Variants in ITPRID2 observed in about 807,000 individuals in gnomAD.
ITPRID2 encodes the protein protein ITPRID2.
A neutral mutation model predicts 124.3 loss-of-function variants in ITPRID2; 60 were observed. That is an observed-to-expected ratio of 0.48 (90% CI 0.39 to 0.60). The LOEUF (loss-of-function observed/expected upper bound fraction) is 0.60, where lower values mean the gene tolerates loss of function less well. Among genes scored for constraint, ITPRID2 ranks in the 20% least tolerant of loss-of-function variants. The probability of loss-of-function intolerance (pLI) is 0.00; values close to 1 mark genes in which losing one functional copy is unlikely to be tolerated. For missense variants in ITPRID2, 1,553 were observed against 1,512.2 expected (o/e 1.03, Z -0.45); for synonymous variants, 521 against 542.9 (o/e 0.96, Z 0.56).
chr2:181,918,389 T>C, intron 11 of ITPRID2: 2 of 1,339,630 alleles, frequency 1.5e-6, no homozygotes, highest in Non-Finnish European at 9.6e-7. Context: ...TCCTCCCACG[T>C]AGATTGACTT....
At chr2:181,914,114 C>A (rs1002418180) in intron 10 of ITPRID2, among the ~76,000 whole-genome samples, 181 bp downstream of exon 10, 1 of 152,106 alleles carries the variant, frequency 6.6e-6, no homozygotes, top group African/African-American at 2.4e-5. Context: ...TTCATTAATT[C>A]TTCTCTCTGA....
rs1400031375 is a variant in ITPRID2, at chr2:181,898,881, C to CA, written c.368dup (p.Asn123LysfsTer5). On this transcript the variant is annotated frameshift_variant and splice_region_variant, in exon 5 of 18. Coordinates refer to ENST00000431877, the MANE Select transcript of ITPRID2 (RefSeq NM_001130445.3). LOFTEE classifies it high-confidence loss of function. ...TACGTTTATTGTTTTTACCTGTAGC[C>CA]AACCACCTCCATGAAAGTGATGCTC... 3 of 1,609,570 alleles carry CA rather than the reference C, an allele frequency of 1.9e-6. No homozygotes were observed. The highest frequency in any genetic ancestry group is 2.6e-6 in the Non-Finnish European group (3 of 1,176,150).
Position 181,915,518 on chromosome 2 carries a change from G to A in ITPRID2, c.1878G>A (p.Glu626=), listed in dbSNP as rs756285270. 1 of 1,614,168 alleles carries A rather than the reference G, an allele frequency of 6.2e-7. No individual in the cohort carries two copies. The highest frequency in any genetic ancestry group is 8.5e-7 in the Non-Finnish European group (1 of 1,180,028). ...DHIIEITEVE[E]DLFPAETVEL... is the part of the protein sequence containing the mutation. ...TCATTGAAATTACTGAAGTGGAAGA[G>A]GATTTGTTTCCAGCAGAGACAGTAG... The change falls in exon 11 of 18, where the codon GAG becomes GAA. Residue 626 remains glutamate, a synonymous_variant. Transcript: ENST00000431877.
Position 181,905,011 on chromosome 2 carries a change from T to C in ITPRID2, c.1413+2545T>C, listed in dbSNP as rs1029888559. Among the ~76,000 whole-genome samples, 1 of 152,084 alleles carries C rather than the reference T, an allele frequency of 6.6e-6. No individual in the cohort carries two copies. On this transcript the variant is annotated intron_variant, in intron 8 of 17. Coordinates refer to ENST00000431877, the MANE Select transcript of ITPRID2 (RefSeq NM_001130445.3). This position sits in a 1 kb window ranked among gnomAD's most constrained non-coding sequence, Gnocchi z 4.1. ...TCAACTTGCCTTATAAAGTGTCTTG[T>C]AGACTGTTTAAAATAGTTATGAATG...
intron 6 of ITPRID2, 128 bp downstream of exon 6, chr2:181,899,240 T>C: frequency 1.5e-6 from 1 of 666,844 alleles, no homozygotes; most frequent in Non-Finnish European, 2.5e-6. Flanking sequence ...GCGTTTCCTG[T>C]ACCAGCACAA....
In ITPRID2 at chr2:181,919,151, C is replaced by T; in HGVS notation, c.2994-145C>T. 1.1e-6 allele frequency: 1 copy of T among 941,600 alleles called. No homozygotes were observed. The highest frequency in any genetic ancestry group is 1.7e-5 in the South Asian group (1 of 60,500). 58.3% of individuals were successfully genotyped at this position (941,600 alleles called of 1,614,324 possible). On this transcript the variant is annotated intron_variant, in intron 13 of 17. Transcript: ENST00000431877. This position sits in a 1 kb window ranked among gnomAD's most constrained non-coding sequence, Gnocchi z 4.2. Reference sequence around the variant, plus strand: ...AGAAAGACTAATGTCCTTGTGGATACACCTATTGTAGTTGATATTGTACTA... The same window carrying T: ...AGAAAGACTAATGTCCTTGTGGATATACCTATTGTAGTTGATATTGTACTA...
At chr2:181,916,634 T>A in intron 11 of ITPRID2, 1 of 788,176 alleles carries the variant, frequency 1.3e-6, no homozygotes. Context: ...CAAAGTCGAT[T>A]TCTCTGCTCA....
chr2:181,918,266 A>T (rs1436292575), intron 11 of ITPRID2: 11 of 1,062,402 alleles, frequency 1.0e-5, no homozygotes, highest in South Asian at 3.6e-5. Context: ...CTATAATCTC[A>T]TGATGATATT....
intron 10 of ITPRID2, among the ~76,000 whole-genome samples, chr2:181,914,953 GTGT>G (rs1693909423): frequency 6.6e-6 from 1 of 152,126 alleles, no homozygotes; most frequent in Admixed American, 6.5e-5. Flanking sequence ...ATGAGTCAGT[GTGT>G]TGTATTGAAA....
At chr2:181,912,073 C>CA (rs1164076313) in intron 9 of ITPRID2, among the ~76,000 whole-genome samples, 22 of 152,236 alleles carry the variant, frequency 1.4e-4, no homozygotes, top group Admixed American at 1.3e-3. Flanking sequence ...GTCTTCCCTG[C>CA]ACTCAGGCAC....
At chr2:181,920,254 T>C (rs906521795) in intron 14 of ITPRID2, among the ~76,000 whole-genome samples, 4 of 152,180 alleles carry the variant, frequency 2.6e-5, no homozygotes, top group Non-Finnish European at 5.9e-5. Flanking sequence ...AACACATATA[T>C]GTATAGCATA....
rs1307160882 is a variant in ITPRID2 at position 181,922,192 on chromosome 2, C to T, written c.3455C>T (p.Ser1152Leu). 5 of 1,614,238 alleles carry T rather than the reference C, an allele frequency of 3.1e-6. No individual in the cohort carries two copies. The highest frequency in any genetic ancestry group is 1.7e-5 in the Admixed American group (1 of 60,030). ...LVARKKVFRA[S>L]VALTPTAPSR... ...GCAAGGAAGAAAGTGTTCCGAGCAT[C>T]GGTGGCTCTAACGCCAACAGCTCCT... Residue 1152 changes from serine (S) to leucine (L), a missense_variant, in exon 16 of 18, where the codon TCG becomes TTG. Physicochemically the swap from Ser to Leu is moderately radical, Grantham distance 145. Coordinates refer to ENST00000431877, the MANE Select transcript of ITPRID2 (RefSeq NM_001130445.3).
At position 181,892,381 on chromosome 2, in the gene ITPRID2, A is replaced by G. The variant is rs1691800041; in HGVS notation, c.211+104A>G. 1 of 1,329,622 alleles carries G rather than the reference A, an allele frequency of 7.5e-7. No homozygotes were observed. The highest frequency in any genetic ancestry group is 1.0e-6 in the Non-Finnish European group (1 of 985,560). The allele number at this position is 1,329,622 out of a possible 1,614,324, so 82.4% of individuals were successfully genotyped here. ...GTTCTGGGAGAGCCTCGGGCACGGT[A>G]GGCCGAGGGGAGAGGGGACACTTCC... On this transcript the variant is annotated intron_variant, in intron 1 of 17. Coordinates refer to ENST00000431877, the MANE Select transcript of ITPRID2 (RefSeq NM_001130445.3). This position sits in a 1 kb window ranked among gnomAD's most constrained non-coding sequence, Gnocchi z 5.2.
chr2:181,925,160 CAT>C (rs71779750), intron 16 of ITPRID2, among the ~76,000 whole-genome samples: 2,241 of 152,276 alleles, frequency 0.015, 57 homozygotes, highest in African/African-American at 0.051. Flanking sequence ...ACAGCTTGCT[CAT>C]GTGTTCTTAT....
At position 181,892,371 on chromosome 2, in the gene ITPRID2, C is replaced by G; in HGVS notation, c.211+94C>G. On this transcript the variant is annotated intron_variant, in intron 1 of 17. Coordinates refer to ENST00000431877, the MANE Select transcript of ITPRID2 (RefSeq NM_001130445.3). This position sits in a 1 kb window ranked among gnomAD's most constrained non-coding sequence, Gnocchi z 5.2. ...CCTGCCACGAGTTCTGGGAGAGCCTCGGGCACGGTAGGCCGAGGGGAGAGG... is the reference window on the plus strand; with the variant it reads ...CCTGCCACGAGTTCTGGGAGAGCCTGGGGCACGGTAGGCCGAGGGGAGAGG... 2 of 1,390,572 alleles carry G rather than the reference C, an allele frequency of 1.4e-6. No homozygotes were observed. Among genetic ancestry groups the G allele is most frequent in the Non-Finnish European group, 1.9e-6 (2 of 1,039,840 alleles). The allele number at this position is 1,390,572 out of a possible 1,614,324, so 86.1% of individuals were successfully genotyped here.
intron 11 of ITPRID2, chr2:181,917,918 A>T (rs1694199784): frequency 6.6e-6 from 1 of 152,118 alleles, no homozygotes; most frequent in African/African-American, 2.4e-5. Context: ...AAGTACTGGG[A>T]CTATAAGCCA....
intron 9 of ITPRID2, among the ~76,000 whole-genome samples, chr2:181,911,652 C>CT (rs1275547771): frequency 6.6e-6 from 1 of 151,946 alleles, no homozygotes; most frequent in African/African-American, 2.4e-5. Context: ...AGATCTAATC[C>CT]TTTTTTATAG....
intron 4 of ITPRID2, among the ~76,000 whole-genome samples, chr2:181,897,776 A>G (rs1304104711): frequency 6.6e-6 from 1 of 151,998 alleles, no homozygotes; most frequent in Non-Finnish European, 1.5e-5. Flanking sequence ...ATTGAATTTA[A>G]TATTCTTGAT....
rs959467251 is a variant in ITPRID2 at position 181,891,764 on chromosome 2, A to T, written c.-303A>T. ...GCGGCCGGCCTGCTCCGGGCGCGTC[A>T]GGCAGGGGGTGGGGAGCAGGGGCCG... On this transcript the variant is annotated 5_prime_UTR_variant, in exon 1 of 18. Transcript: ENST00000431877. 3.6e-5 allele frequency: 6 copies of T among 168,656 alleles called. No individual in the cohort carries two copies. The highest frequency in any genetic ancestry group is 6.2e-5 in the Non-Finnish European group (5 of 80,140). 10.4% of individuals were successfully genotyped at this position (168,656 alleles called of 1,614,324 possible).
Sources: allele counts gnomAD v4.1 joint callset (sites outside exome capture counted in the v4.1 genomes callset), GRCh38; gene constraint gnomAD v4.1.1; non-coding constraint Gnocchi (gnomAD v3.1); transcripts MANE v1.5; gene names NCBI Gene and HGNC (gene_info 2026-07-23, HGNC 2026-07-21).